COCH: variants seen among roughly 807,000 people sequenced by gnomAD.
COCH encodes the protein cochlin.
Under a neutral mutation model 54.8 loss-of-function variants are expected in COCH, and 40 were observed. The observed-to-expected ratio is 0.73, with a 90% CI of 0.57 to 0.95. The LOEUF (loss-of-function observed/expected upper bound fraction) is 0.95, where lower values mean the gene tolerates loss of function less well. Ranked by LOEUF, COCH falls within the 40% of genes least tolerant of loss-of-function variation. The pLI is 0.00. For missense variants in COCH, 605 were observed against 675.0 expected, an observed-to-expected ratio of 0.90 and a Z score of 1.15; for synonymous variants, 256 against 237.9, an observed-to-expected ratio of 1.08 and a Z score of -0.70.
At position 30,877,386 on chromosome 14, in the gene COCH, A is replaced by T; in HGVS notation, c.83-186A>T. 1.5e-6 allele frequency: 1 copy of T among 666,876 alleles called. No individual in the cohort carries two copies. Among genetic ancestry groups the T allele is most frequent in the Non-Finnish European group, 2.5e-6 (1 of 398,048 alleles). The allele number at this position is 666,876 out of a possible 1,614,324, so 41.3% of individuals were successfully genotyped here. ...TTTTATAGTGGCTGGGGACTATATT[A>T]AATTGGAAAACAACCTTGTGGCTTG... is the stretch of plus-strand genomic sequence containing the variant. On this transcript the variant is annotated intron_variant, in intron 3 of 11. Transcript: ENST00000396618. This position sits in a 1 kb window ranked among gnomAD's most constrained non-coding sequence, Gnocchi z 8.6.
At position 30,884,483 on chromosome 14, in the gene COCH, T is replaced by C. The variant is rs1895713839; in HGVS notation, c.630-70T>C. On this transcript the variant is annotated intron_variant, in intron 8 of 11. Coordinates refer to ENST00000396618, the MANE Select transcript of COCH (RefSeq NM_004086.3). Reference sequence around the variant, plus strand: ...GTTGTCTGGTTTTAAAACTGTTTTTTAAGGCATGTAATGTTGCTTATTTTA... The same window carrying C: ...GTTGTCTGGTTTTAAAACTGTTTTTCAAGGCATGTAATGTTGCTTATTTTA... 4 of 1,049,308 alleles carry C rather than the reference T, an allele frequency of 3.8e-6. No homozygotes were observed. The African/African-American group carries it at 6.3e-5, about 17-fold the overall frequency. The allele number at this position is 1,049,308 out of a possible 1,614,324, so 65.0% of individuals were successfully genotyped here.
Position 30,877,785 on chromosome 14 carries a change from T to C in COCH, c.239+57T>C. On this transcript the variant is annotated intron_variant, in intron 4 of 11. Transcript: ENST00000396618. The surrounding 1 kb of genome is among the most constrained non-coding windows in gnomAD (Gnocchi z 8.6). ...ATGCAGACGTGATTATTTCCTTTCC[T>C]GCTTTACCCATCTGGATCCCTTTCC... The C allele has an allele frequency of 6.2e-7, 1 of 1,610,514 alleles. No homozygotes were observed. Among genetic ancestry groups the C allele is most frequent in the Non-Finnish European group, 8.5e-7 (1 of 1,179,450 alleles).
Position 30,886,192 on chromosome 14 carries a change from A to G in COCH, c.1357A>G (p.Thr453Ala), listed in dbSNP as rs760876932. Residue 453 changes from threonine (T) to alanine (A), a missense_variant, in exon 11 of 12, where the codon ACT (threonine) becomes GCT (alanine). Physicochemically the swap from Thr to Ala is moderately conservative, Grantham distance 58. Transcript: ENST00000396618. ...AGCTACTGGTGATGCCATTTCCTTC[A>G]CTGTTAGAAATGTGTTTGGCCCTAT... Reference protein sequence around the residue: ...GTATGDAISFTVRNVFGPIRE... With the variant: ...GTATGDAISFAVRNVFGPIRE... 5.0e-6 allele frequency: 8 copies of G among 1,610,504 alleles called. 1 individual carries two copies. In the Admixed American group the frequency reaches 1.2e-4, roughly 24 times the overall value.
At chr14:30,895,598 A>C, downstream of COCH, 2 of 1,610,192 alleles carry the variant, frequency 1.2e-6, no homozygotes, top group East Asian at 2.2e-5. Context: ...AGAACAAATA[A>C]AATTTGTTAC....
intron 8 of COCH, among the ~76,000 whole-genome samples, chr14:30,882,936 G>GTT (rs1283391763): frequency 6.6e-6 from 1 of 152,212 alleles, no homozygotes; most frequent in Non-Finnish European, 1.5e-5. Flanking sequence ...AGGTGAAGTA[G>GTT]TTTAAACTAC....
Position 30,889,877 on chromosome 14 carries a change from T to C in COCH, c.*86T>C. The C allele has an allele frequency of 6.6e-7, 1 of 1,508,540 alleles. No homozygotes were observed. Among genetic ancestry groups the C allele is most frequent in the Non-Finnish European group, 8.9e-7 (1 of 1,128,968 alleles). 93.4% of individuals were successfully genotyped at this position (1,508,540 alleles called of 1,614,324 possible). ...CTCATAATACTGAAATGCTTTAGCATACTAGAATCAGATACAAAACTATTA... is the reference window on the plus strand; with the variant it reads ...CTCATAATACTGAAATGCTTTAGCACACTAGAATCAGATACAAAACTATTA... On this transcript the variant is annotated 3_prime_UTR_variant, in exon 12 of 12. Transcript: ENST00000396618.
chr14:30,882,120 G>GTTTTGTTTTTTTTTTTT lies in COCH; in HGVS notation c.629+1390_629+1391insGTTTTTTTTTTTTTTTT, dbSNP rs1895617844. Among the ~76,000 whole-genome samples the GTTTTGTTTTTTTTTTTT allele has an allele frequency of 2.8e-4, 19 of 67,916 alleles. No individual in the cohort carries two copies. In the East Asian group the frequency reaches 5.2e-3, roughly 19 times the overall value. 44.6% of individuals were successfully genotyped at this position (67,916 alleles called of 152,430 possible). On this transcript the variant is annotated intron_variant, in intron 8 of 11. Transcript: ENST00000396618. ...CCCTAGAGATAATCACTATAAAATG[G>GTTTTGTTTTTTTTTTTT]TTTTTTTTTTTTTTTTTTTTTTTTT... is the stretch of plus-strand genomic sequence containing the variant.
rs1021510629 is a variant in COCH, at chr14:30,874,603, C to T, written c.-24+12C>T. 2 of 493,404 alleles carry T rather than the reference C, an allele frequency of 4.1e-6. No individual in the cohort carries two copies. The highest frequency in any genetic ancestry group is 2.0e-5 in the African/African-American group (1 of 50,572). 30.6% of individuals were successfully genotyped at this position (493,404 alleles called of 1,614,324 possible). A position where few individuals can be genotyped will look rare whatever the true frequency, so the allele number is the denominator to read the frequency against. On this transcript the variant is annotated intron_variant, in intron 1 of 11. Transcript: ENST00000396618. ...TGGATCTCGAGCAGGTGCGGAGCCCCGGGCGGCGGGCGCGGGTGCGAGGGA... is the reference window on the plus strand; with the variant it reads ...TGGATCTCGAGCAGGTGCGGAGCCCTGGGCGGCGGGCGCGGGTGCGAGGGA...
Position 30,875,075 on chromosome 14 carries a change from G to A in COCH, c.54G>A (p.Leu18=). ...ALGLGVCLLL[L]PGPAGSEGAA... is the part of the protein sequence containing the mutation. ...TCGCAGGTGTGTGTCTGCTGCTGCT[G>A]CCGGGGCCCGCGGGCAGCGAGGGAG... Residue 18 remains leucine (L), a synonymous_variant, in exon 3 of 12, where the codon CTG becomes CTA. Transcript: ENST00000396618. The A allele has an allele frequency of 6.3e-7, 1 of 1,594,538 alleles. No individual in the cohort carries two copies. Among genetic ancestry groups the A allele is most frequent in the Non-Finnish European group, 8.5e-7 (1 of 1,171,368 alleles).
In COCH at chr14:30,874,905, C is replaced by T. The variant is rs755076761; in HGVS notation, c.-23-11C>T. 1 of 1,613,146 alleles carries T rather than the reference C, an allele frequency of 6.2e-7. No individual in the cohort carries two copies. Among genetic ancestry groups the T allele is most frequent in the Admixed American group, 1.7e-5 (1 of 60,030 alleles). ...CACCCTGGCCTTGCCCGCATTCTCC[C>T]TCTCTCCCAGGTGTGAGCAGCCTAT... On this transcript the variant is annotated splice_polypyrimidine_tract_variant and intron_variant, in intron 1 of 11. Transcript: ENST00000396618.
intron 11 of COCH, 109 bp from the exon 12 acceptor site, chr14:30,889,507 A>G (rs1895909438): frequency 1.1e-6 from 1 of 927,404 alleles, no homozygotes; most frequent in East Asian, 2.6e-5. Flanking sequence ...AGAAATTAGT[A>G]AGCAGTTTTC....
downstream of COCH, among the ~76,000 whole-genome samples, chr14:30,892,547 C>A (rs954540912): frequency 5.9e-5 from 9 of 152,090 alleles, no homozygotes; most frequent in African/African-American, 1.9e-4. Context: ...CGCCTGTAAT[C>A]CCAGCCAGCA....
At position 30,877,437 on chromosome 14, in the gene COCH, G is replaced by T; in HGVS notation, c.83-135G>T. The T allele has an allele frequency of 1.8e-6, 2 of 1,109,134 alleles. No individual in the cohort carries two copies. Among genetic ancestry groups the T allele is most frequent in the Non-Finnish European group, 2.6e-6 (2 of 766,248 alleles). 68.7% of individuals were successfully genotyped at this position (1,109,134 alleles called of 1,614,324 possible). On this transcript the variant is annotated intron_variant, in intron 3 of 11. Transcript: ENST00000396618. The surrounding 1 kb of genome is among the most constrained non-coding windows in gnomAD (Gnocchi z 8.6). ...CCAAAATCTGGAATGGTATGGAAGG[G>T]TATATAAGTCAATAGTCATAACTAG...
Position 30,875,046 on chromosome 14 carries a change from C to T in COCH, c.35-10C>T, listed in dbSNP as rs775125089. 9.3e-6 allele frequency: 15 copies of T among 1,611,740 alleles called. No homozygotes were observed. The highest frequency in any genetic ancestry group is 1.7e-5 in the Admixed American group (1 of 59,854). On this transcript the variant is annotated splice_polypyrimidine_tract_variant and intron_variant, in intron 2 of 11. Coordinates refer to ENST00000396618, the MANE Select transcript of COCH (RefSeq NM_004086.3). Reference sequence around the variant, plus strand: ...GGCTGGAGCCAGCCCTCACGCTTCTCTCTTCGCAGGTGTGTGTCTGCTGCT... The same window carrying T: ...GGCTGGAGCCAGCCCTCACGCTTCTTTCTTCGCAGGTGTGTGTCTGCTGCT...
At chr14:30,876,799 A>G (rs184271512) in intron 3 of COCH, among the ~76,000 whole-genome samples, 1 of 149,260 alleles carries the variant, frequency 6.7e-6, no homozygotes, top group Non-Finnish European at 1.5e-5. Flanking sequence ...AGATTTAAAA[A>G]TTTTTTTTTT....
In COCH at chr14:30,890,079, C is replaced by T; in HGVS notation, c.*288C>T. On this transcript the variant is annotated 3_prime_UTR_variant, in exon 12 of 12. Transcript: ENST00000396618. ...ACCTTAAGAGTTCTAACCATGCCTA[C>T]TAAATGTACAGATATGCAAATTCCA... 1.8e-6 allele frequency: 2 copies of T among 1,087,394 alleles called. No homozygotes were observed. Among genetic ancestry groups the T allele is most frequent in the Non-Finnish European group, 2.2e-6 (2 of 892,546 alleles). The allele number at this position is 1,087,394 out of a possible 1,614,324, so 67.4% of individuals were successfully genotyped here.
Position 30,877,306 on chromosome 14 carries a change from A to G in COCH, c.83-266A>G. 2.4e-6 allele frequency: 1 copy of G among 414,692 alleles called. No homozygotes were observed. The highest frequency in any genetic ancestry group is 4.5e-6 in the Non-Finnish European group (1 of 224,030). The allele number at this position is 414,692 out of a possible 1,614,324, so 25.7% of individuals were successfully genotyped here. ...TGAGCCTAGCTTGGGCAACTTGGCG[A>G]GTCCCCATTTCAAAAACAAAAACGA... is the stretch of plus-strand genomic sequence containing the variant. On this transcript the variant is annotated intron_variant, in intron 3 of 11. Coordinates refer to ENST00000396618, the MANE Select transcript of COCH (RefSeq NM_004086.3). The surrounding 1 kb of genome is among the most constrained non-coding windows in gnomAD (Gnocchi z 8.6).
downstream of COCH, chr14:30,895,094 GA>G (rs575478418): frequency 5.6e-4 from 61 of 108,062 alleles, no homozygotes; most frequent in East Asian, 1.7e-3. Flanking sequence ...AAGAAGAAGA[GA>G]AAAAAAAAAA....
At chr14:30,878,193 T>C (rs1369047152) in intron 4 of COCH, among the ~76,000 whole-genome samples, 2 of 152,180 alleles carry the variant, frequency 1.3e-5, no homozygotes, top group Non-Finnish European at 2.9e-5. Context: ...AAAAATTCAG[T>C]CCAAAGGCAT....
Sources: gnomAD v4.1 joint callset for allele counts (sites outside exome capture counted in the v4.1 genomes callset) on GRCh38, gnomAD v4.1.1 for gene constraint, Gnocchi (gnomAD v3.1) non-coding constraint, MANE v1.5 for transcripts, NCBI Gene and HGNC (gene_info 2026-07-23, HGNC 2026-07-21) for gene names.